Variants in HERC2 observed in about 807,000 individuals in gnomAD.
HERC2 encodes HECT and RLD domain containing E3 ubiquitin protein ligase 2, also known as E3 ubiquitin-protein ligase HERC2.
HERC2 carries 102 observed loss-of-function variants against 537.7 expected under a neutral mutation model. The observed-to-expected ratio is 0.19, with a 90% CI of 0.16 to 0.22. HERC2 has a LOEUF of 0.22. Among genes scored for constraint, HERC2 ranks in the 10% least tolerant of loss-of-function variants. The probability of loss-of-function intolerance (pLI) is 1.00; values close to 1 mark genes in which losing one functional copy is unlikely to be tolerated. For missense variants in HERC2, 4,236 were observed against 6,198.2 expected (o/e 0.68, Z 10.63); for synonymous variants, 2,224 against 2,466.2 (o/e 0.90, Z 2.91).
At chr15:28,152,217 T>A (rs1257473577) in intron 70 of HERC2, among the ~76,000 whole-genome samples, 1 of 152,248 alleles carries the variant, frequency 6.6e-6, no homozygotes, top group Non-Finnish European at 1.5e-5. Context: ...CAGGCTGCAG[T>A]GAAGCCCGCC....
At chr15:28,115,746 C>T (rs1298103053) in intron 88 of HERC2, among the ~76,000 whole-genome samples, 5 of 150,858 alleles carry the variant, frequency 3.3e-5, no homozygotes, top group East Asian at 1.9e-4. Context: ...AAGCCTCTAA[C>T]TCTTCACATC....
rs147029333 is a variant in HERC2, at chr15:28,265,833, G to A, written c.1740C>T (p.Tyr580=). 70 of 1,614,036 alleles carry A rather than the reference G, an allele frequency of 4.3e-5. No homozygotes were observed. The highest frequency in any genetic ancestry group is 1.1e-4 in the African/African-American group (8 of 74,936). ...CAGACGTACCATGGCCCAGCCGGCC[G>A]TAGTTCCCGCGGCCCCAGGTGTACA... is the stretch of plus-strand genomic sequence containing the variant. ...GELYTWGRGN[Y]GRLGHGSSED... Residue 580 remains tyrosine (Y), a synonymous_variant, in exon 13 of 93, where the codon TAC becomes TAT. Coordinates refer to ENST00000261609, the MANE Select transcript of HERC2 (RefSeq NM_004667.6). The surrounding 1 kb of genome is among the most constrained non-coding windows in gnomAD (Gnocchi z 4.0).
Position 28,273,978 on chromosome 15 carries a change from C to A in HERC2, c.800+313G>T, listed in dbSNP as rs553495370. ...CACCACTCCGCACTCAGAACAGCAG[C>A]TCCTAATCATCACAGAGAGACACAC... is the stretch of plus-strand genomic sequence containing the variant. On this transcript the variant is annotated intron_variant, in intron 7 of 92. Coordinates refer to ENST00000261609, the MANE Select transcript of HERC2 (RefSeq NM_004667.6). 4.3e-4 allele frequency among the ~76,000 whole-genome samples: 65 copies of A among 152,328 alleles called. 1 individual carries two copies. The highest frequency in any genetic ancestry group is 1.5e-3 in the African/African-American group (63 of 41,574).
At chr15:28,202,282 G>A (rs1897990910) in intron 46 of HERC2, 33 bp from the exon 47 acceptor site, 9 of 1,612,840 alleles carry the variant, frequency 5.6e-6, no homozygotes, top group Non-Finnish European at 7.6e-6. Flanking sequence ...AGCAGCCACT[G>A]TGAGTCAACA....
At position 28,179,294 on chromosome 15, in the gene HERC2, CTTA is replaced by C; in HGVS notation, c.8938-74_8938-72del. On this transcript the variant is annotated intron_variant, in intron 57 of 92. Coordinates refer to ENST00000261609, the MANE Select transcript of HERC2 (RefSeq NM_004667.6). ...ACTTGCATGTTTAAAATTATGTTAC[CTTA>C]TTATATGATACAAGGAATTACAGTT... 3 of 1,155,036 alleles carry C rather than the reference CTTA, an allele frequency of 2.6e-6. No individual in the cohort carries two copies. In the East Asian group the frequency reaches 7.3e-5, roughly 28 times the overall value. 71.5% of individuals were successfully genotyped at this position (1,155,036 alleles called of 1,614,324 possible).
At chr15:28,286,411 A>G (rs563033774) in intron 4 of HERC2, among the ~76,000 whole-genome samples, 1 of 152,294 alleles carries the variant, frequency 6.6e-6, no homozygotes, top group East Asian at 1.9e-4. Flanking sequence ...AAAGAATTCC[A>G]CATCATTGCC....
intron 2 of HERC2, among the ~76,000 whole-genome samples, chr15:28,320,654 T>C (rs1276696404): frequency 6.6e-6 from 1 of 151,896 alleles, no homozygotes; most frequent in Middle Eastern, 3.2e-3. Context: ...AACACTTCTT[T>C]TTGCTGCTGA....
chr15:28,316,738 T>C (rs2077096898), intron 2 of HERC2, among the ~76,000 whole-genome samples: 1 of 152,196 alleles, frequency 6.6e-6, no homozygotes, highest in Non-Finnish European at 1.5e-5. Context: ...GAGAACAGAA[T>C]TTATCAAGAT....
At position 28,220,463 on chromosome 15, in the gene HERC2, T is replaced by C. The variant is rs748493989; in HGVS notation, c.5834A>G (p.Glu1945Gly). ...CCTGAGTCACCCACCAGAGTCATCC[T>C]CTGTGTCCGAATCCTCTGCTGAGGG... ...AQPSAEDSDT[E>G]DDSEAEQTER... The change falls in exon 37 of 93, where the codon GAG (glutamate) becomes GGG (glycine). Residue 1945 changes from glutamate (E) to glycine (G), a missense_variant. Coordinates refer to ENST00000261609, the MANE Select transcript of HERC2 (RefSeq NM_004667.6). 16 of 1,606,732 alleles carry C rather than the reference T, an allele frequency of 1.0e-5. No individual in the cohort carries two copies. The highest frequency in any genetic ancestry group is 1.4e-5 in the Non-Finnish European group (16 of 1,179,786).
chr15:28,274,273 A>G lies in HERC2; in HGVS notation c.800+18T>C. ...GCCAGCTGTCTGCGTGCAGAAGGCAAGAAAGGAAAGAACTCACCCCGTCAC... is the reference window on the plus strand; with the variant it reads ...GCCAGCTGTCTGCGTGCAGAAGGCAGGAAAGGAAAGAACTCACCCCGTCAC... On this transcript the variant is annotated intron_variant, in intron 7 of 92. Transcript: ENST00000261609. 1.2e-6 allele frequency: 2 copies of G among 1,613,486 alleles called. No individual in the cohort carries two copies. The highest frequency in any genetic ancestry group is 1.7e-6 in the Non-Finnish European group (2 of 1,179,528).
At chr15:28,260,625 A>C (rs1291641107) in intron 16 of HERC2, 152 bp downstream of exon 16, 7 of 637,344 alleles carry the variant, frequency 1.1e-5, no homozygotes, top group Non-Finnish European at 1.9e-5. Flanking sequence ...AAACCCAAGG[A>C]AACTACAGTG....
intron 86 of HERC2, 40 bp from the exon 87 acceptor site, chr15:28,117,194 C>G (rs773667465): frequency 1.1e-5 from 17 of 1,602,922 alleles, no homozygotes; most frequent in Non-Finnish European, 1.4e-5. Context: ...GCCGCTGCCG[C>G]AGCAGGAAGC....
chr15:28,247,510 C>G (rs771167374), intron 21 of HERC2, among the ~76,000 whole-genome samples: 1 of 149,448 alleles, frequency 6.7e-6, no homozygotes, highest in Non-Finnish European at 1.5e-5. Context: ...CTCACTGCAA[C>G]CTCCGCCTCC....
Position 28,229,475 on chromosome 15 carries a change from T to G in HERC2, c.5105A>C (p.Glu1702Ala). Residue 1702 changes from glutamate to alanine, a missense_variant, in exon 33 of 93, where the codon GAG becomes GCG. Transcript: ENST00000261609. ...AACGTTTTACCCTATATCGATTCCCTCAGGAATAAGTCTTTGCCATCCACA... is the reference window on the plus strand; with the variant it reads ...AACGTTTTACCCTATATCGATTCCCGCAGGAATAAGTCTTTGCCATCCACA... ...MFCGWQRLIP[E>A]GIDIGEPLTD... 1 of 1,613,830 alleles carries G rather than the reference T, an allele frequency of 6.2e-7. No individual in the cohort carries two copies.
At chr15:28,227,468 G>GAAAAAAAAAAAAAAAAAAAAAAAAAAAA (rs1220198016) in intron 35 of HERC2, among the ~76,000 whole-genome samples, 1 of 107,124 alleles carries the variant, frequency 9.3e-6, no homozygotes, top group Non-Finnish European at 2.1e-5. Context: ...AAAAAAAAAA[G>GAAAAAAAAAAAAAAAAAAAAAAAAAAAA]AAAAAAAAAA....
intron 23 of HERC2, among the ~76,000 whole-genome samples, chr15:28,239,267 G>C (rs1902795209): frequency 6.6e-6 from 1 of 152,208 alleles, no homozygotes; most frequent in African/African-American, 2.4e-5. Flanking sequence ...GCATGCTTGA[G>C]GGCATTTATG....
intron 20 of HERC2, among the ~76,000 whole-genome samples, chr15:28,252,710 G>T (rs542775473): frequency 4.6e-5 from 7 of 152,098 alleles, no homozygotes; most frequent in African/African-American, 1.4e-4. Context: ...TATTTCCATT[G>T]GTTAAAGACC....
rs1172115126 is a variant in HERC2, at chr15:28,113,856, C to T, written c.13914-178G>A. On this transcript the variant is annotated intron_variant, in intron 90 of 92. Transcript: ENST00000261609. The surrounding 1 kb of genome is among the most constrained non-coding windows in gnomAD (Gnocchi z 7.0). ...CTCGGCACTGCAGAGCTTCTCCTGA[C>T]ACTGGGCTCATCTCGTCCAGCCGAC... 1.6e-6 allele frequency: 1 copy of T among 631,438 alleles called. No individual in the cohort carries two copies. The highest frequency in any genetic ancestry group is 1.8e-5 in the African/African-American group (1 of 55,374). The allele number at this position is 631,438 out of a possible 1,614,324, so 39.1% of individuals were successfully genotyped here.
At position 28,146,293 on chromosome 15, in the gene HERC2, C is replaced by T. The variant is rs757141755; in HGVS notation, c.10952G>A (p.Arg3651His). 28 of 1,613,886 alleles carry T rather than the reference C, an allele frequency of 1.7e-5. No individual in the cohort carries two copies. Among genetic ancestry groups the T allele is most frequent in the African/African-American group, 4.0e-5 (3 of 74,870 alleles). The change falls in exon 71 of 93, where the codon CGC (arginine) becomes CAC (histidine). Residue 3651 changes from arginine (R) to histidine (H), a missense_variant. Physicochemically the swap from Arg to His is conservative, Grantham distance 29. Around this residue, in one of 27 missense-constraint regions of HERC2, gnomAD observed 356 missense variants for 450.9 expected, o/e 0.79. Transcript: ENST00000261609. ...EFDRQCSTER[R>H]HDPLTVMDGV... ...GTCCATGACTGTGAGAGGGTCGTGGCGCCTCTCTGTGGAGCACTGCCGGTC... is the reference window on the plus strand; with the variant it reads ...GTCCATGACTGTGAGAGGGTCGTGGTGCCTCTCTGTGGAGCACTGCCGGTC...
Sources: allele counts gnomAD v4.1 joint callset (sites outside exome capture counted in the v4.1 genomes callset), GRCh38; gene constraint gnomAD v4.1.1; regional missense constraint gnomAD v4.1.1; non-coding constraint Gnocchi (gnomAD v3.1); transcripts MANE v1.5; gene names NCBI Gene and HGNC (gene_info 2026-07-23, HGNC 2026-07-21).